Variants in SLC41A3 observed in about 807,000 individuals in gnomAD.
SLC41A3 encodes SLC41A1-like 2.
SLC41A3 carries 44 observed loss-of-function variants against 45.4 expected under a neutral mutation model. The observed-to-expected ratio is 0.97, with a 90% confidence interval of 0.76 to 1.25. The LOEUF is 1.25. SLC41A3 is among the 50% of genes most tolerant of loss of function. SLC41A3 has a pLI of 0.00. For synonymous variants in SLC41A3, 256 were observed against 252.4 expected, an observed-to-expected ratio of 1.01 and a Z score of -0.13; for missense variants, 550 against 600.6, an observed-to-expected ratio of 0.92 and a Z score of 0.88.
chr3:126,056,627 AC>A (rs1943686388), intron 2 of SLC41A3: 1 of 1,520,124 alleles, frequency 6.6e-7, no homozygotes, highest in Non-Finnish European at 8.8e-7. Context: ...CTCCTGGCCC[AC>A]ACCAGGACGC....
At chr3:126,064,451 T>C (rs1360232727) in intron 2 of SLC41A3, among the ~76,000 whole-genome samples, 1 of 152,122 alleles carries the variant, frequency 6.6e-6, no homozygotes, top group Admixed American at 6.5e-5. Context: ...CCGCAAGGTG[T>C]GCAGCATCCT....
chr3:126,037,654 G>A (rs1314075290), intron 3 of SLC41A3, among the ~76,000 whole-genome samples: 1 of 149,922 alleles, frequency 6.7e-6, no homozygotes, highest in Non-Finnish European at 1.5e-5. Flanking sequence ...ACAGATGTGG[G>A]GGCAAATGAA....
chr3:126,031,154 A>G (rs186112771), intron 4 of SLC41A3, among the ~76,000 whole-genome samples: 1 of 152,362 alleles, frequency 6.6e-6, no homozygotes, highest in Non-Finnish European at 1.5e-5. Context: ...TATATGGTGA[A>G]TTCAAAAAGT....
Position 126,015,579 on chromosome 3 carries a change from G to A in SLC41A3, c.891-6C>T. ...TCAAGATGAGTCCTCCGAAACTGGG[G>A]AAATAGCAGACAGCAGTCAAGTTAT... On this transcript the variant is annotated splice_region_variant and splice_polypyrimidine_tract_variant and intron_variant, in intron 7 of 10. Transcript: ENST00000360370. 2 of 1,614,072 alleles carry A rather than the reference G, an allele frequency of 1.2e-6. No homozygotes were observed. The highest frequency in any genetic ancestry group is 1.7e-6 in the Non-Finnish European group (2 of 1,179,950).
intron 1 of SLC41A3, among the ~76,000 whole-genome samples, chr3:126,098,670 G>A (rs1191719606): frequency 6.6e-6 from 1 of 152,238 alleles, no homozygotes; most frequent in East Asian, 1.9e-4. Context: ...GCCTGGCCCT[G>A]CCCACACCTT....
At chr3:126,058,403 T>G (rs1943809884) in intron 2 of SLC41A3, among the ~76,000 whole-genome samples, 1 of 152,176 alleles carries the variant, frequency 6.6e-6, no homozygotes, top group Admixed American at 6.5e-5. Context: ...GATGAGCATG[T>G]ATCTCACTCC....
At chr3:126,056,895 C>A in intron 2 of SLC41A3, 1 of 1,136,822 alleles carries the variant, frequency 8.8e-7, no homozygotes, top group Non-Finnish European at 1.1e-6. Flanking sequence ...CTCATGGTCC[C>A]TCTGCACCGG....
At chr3:126,099,657 G>A (rs1466855083) in intron 1 of SLC41A3, among the ~76,000 whole-genome samples, 5 of 152,154 alleles carry the variant, frequency 3.3e-5, no homozygotes, top group East Asian at 1.9e-4. Flanking sequence ...CTGAGATTGC[G>A]CCACTACACT....
In SLC41A3 at chr3:126,068,260, C is replaced by G; in HGVS notation, c.-27-14G>C. On this transcript the variant is annotated splice_polypyrimidine_tract_variant and intron_variant, in intron 1 of 10. Transcript: ENST00000360370. Reference sequence around the variant, plus strand: ...CGCCTGGCAGCCCTACAGTGGGAGACACAAAGTTGTAGGGCCAAGTTCCTG... The same window carrying G: ...CGCCTGGCAGCCCTACAGTGGGAGAGACAAAGTTGTAGGGCCAAGTTCCTG... The G allele has an allele frequency of 1.3e-6, 2 of 1,481,496 alleles. No individual in the cohort carries two copies. Among genetic ancestry groups the G allele is most frequent in the Non-Finnish European group, 8.9e-7 (1 of 1,117,806 alleles). 91.8% of individuals were successfully genotyped at this position (1,481,496 alleles called of 1,614,324 possible).
Position 126,068,256 on chromosome 3 carries a change from G to A in SLC41A3, c.-27-10C>T. ...TGGGCGCCTGGCAGCCCTACAGTGGGAGACACAAAGTTGTAGGGCCAAGTT... is the reference window on the plus strand; with the variant it reads ...TGGGCGCCTGGCAGCCCTACAGTGGAAGACACAAAGTTGTAGGGCCAAGTT... On this transcript the variant is annotated splice_polypyrimidine_tract_variant and intron_variant, in intron 1 of 10. Coordinates refer to ENST00000360370, the MANE Select transcript of SLC41A3 (RefSeq NM_017836.4). 6.7e-7 allele frequency: 1 copy of A among 1,483,346 alleles called. No individual in the cohort carries two copies. The highest frequency in any genetic ancestry group is 1.5e-5 in the South Asian group (1 of 68,748). 91.9% of individuals were successfully genotyped at this position (1,483,346 alleles called of 1,614,324 possible).
intron 1 of SLC41A3, among the ~76,000 whole-genome samples, chr3:126,100,414 G>C (rs1347034277): frequency 1.3e-5 from 2 of 152,178 alleles, no homozygotes; most frequent in African/African-American, 4.8e-5. Flanking sequence ...CCCTATCCCA[G>C]TTGGATGAAG....
At chr3:126,036,712 C>T (rs1300647053) in intron 3 of SLC41A3, among the ~76,000 whole-genome samples, 2 of 152,210 alleles carry the variant, frequency 1.3e-5, no homozygotes, top group Non-Finnish European at 2.9e-5. Context: ...TCCAATGACT[C>T]ATCCCTTCAG....
At chr3:126,059,263 G>GAAAGA (rs5852464) in intron 2 of SLC41A3, among the ~76,000 whole-genome samples, 321 of 11,740 alleles carry the variant, frequency 0.027, 63 homozygotes, top group East Asian at 0.035. Flanking sequence ...AAGAAAGAAA[G>GAAAGA]AAGAAAGAAA....
intron 2 of SLC41A3, among the ~76,000 whole-genome samples, chr3:126,059,858 G>T (rs1943962317): frequency 6.6e-6 from 1 of 152,178 alleles, no homozygotes; most frequent in East Asian, 1.9e-4. Context: ...GTTGTGGGAT[G>T]CACATTCCCA....
At chr3:126,088,062 T>A (rs1406459272), upstream of SLC41A3, among the ~76,000 whole-genome samples, 1 of 152,114 alleles carries the variant, frequency 6.6e-6, no homozygotes, top group African/African-American at 2.4e-5. Context: ...AGATAATAGA[T>A]CTCTCCTTCA....
intron 1 of SLC41A3, among the ~76,000 whole-genome samples, chr3:126,081,161 T>C (rs1945130244): frequency 6.6e-6 from 1 of 152,150 alleles, no homozygotes; most frequent in South Asian, 2.1e-4. Context: ...ATATACACAA[T>C]GGAGTACTAT....
In SLC41A3 at chr3:126,006,952, G is replaced by A. The variant is rs998402996; in HGVS notation, c.*64C>T. The A allele has an allele frequency of 2.7e-5, 43 of 1,604,752 alleles. No homozygotes were observed. The highest frequency in any genetic ancestry group is 3.6e-5 in the Non-Finnish European group (42 of 1,174,446). On this transcript the variant is annotated 3_prime_UTR_variant, in exon 11 of 11. Coordinates refer to ENST00000360370, the MANE Select transcript of SLC41A3 (RefSeq NM_017836.4). ...CCAAGGACCTGGCAAGGGAGAAACT[G>A]AATTCTGTATCCCACTGATGTGAGA...
In SLC41A3 at chr3:126,026,587, C is replaced by T; in HGVS notation, c.454-108G>A. ...AGGGGCCGGGTGCCACATGCTACTG[C>T]CTCCTTTCCCTTACCCTAAAATCTC... On this transcript the variant is annotated intron_variant, in intron 4 of 10. Coordinates refer to ENST00000360370, the MANE Select transcript of SLC41A3 (RefSeq NM_017836.4). This position sits in a 1 kb window ranked among gnomAD's most constrained non-coding sequence, Gnocchi z 4.2. 7.3e-7 allele frequency: 1 copy of T among 1,374,368 alleles called. No individual in the cohort carries two copies. The highest frequency in any genetic ancestry group is 2.5e-5 in the East Asian group (1 of 40,030). The allele number at this position is 1,374,368 out of a possible 1,614,324, so 85.1% of individuals were successfully genotyped here.
intron 2 of SLC41A3, among the ~76,000 whole-genome samples, chr3:126,053,908 C>T (rs1282636757): frequency 6.6e-6 from 1 of 152,142 alleles, no homozygotes; most frequent in African/African-American, 2.4e-5. Context: ...TTCAAGTCAT[C>T]ACAACTTTTA....
Sources: gnomAD v4.1 joint callset for allele counts (sites outside exome capture counted in the v4.1 genomes callset) on GRCh38, gnomAD v4.1.1 for gene constraint, Gnocchi (gnomAD v3.1) non-coding constraint, MANE v1.5 for transcripts, NCBI Gene and HGNC (gene_info 2026-07-23, HGNC 2026-07-21) for gene names.